EYA2: variants seen among roughly 807,000 people sequenced by gnomAD.
EYA2 encodes protein phosphatase EYA2.
Under a neutral mutation model 69.2 loss-of-function variants are expected in EYA2, and 31 were observed. The ratio of observed to expected loss-of-function variants is 0.45; its 90% confidence interval spans 0.34 to 0.60. The LOEUF is 0.60. EYA2 is among the 20% of genes least tolerant of loss of function. EYA2 has a pLI of 0.02. For missense variants in EYA2, 622 were observed against 701.2 expected (o/e 0.89, Z 1.28); for synonymous variants, 257 against 279.4 (o/e 0.92, Z 0.80).
intron 1 of EYA2, among the ~76,000 whole-genome samples, chr20:46,981,933 G>A (rs918876143): frequency 1.9e-4 from 28 of 150,386 alleles, no homozygotes; most frequent in African/African-American, 6.7e-4. Flanking sequence ...TACATGAAAT[G>A]TTTACATTTA....
At chr20:47,048,084 G>A (rs1434475344) in intron 5 of EYA2, among the ~76,000 whole-genome samples, 3 of 152,210 alleles carry the variant, frequency 2.0e-5, no homozygotes, top group African/African-American at 7.2e-5. Context: ...AGTCCCTTTT[G>A]CTGTATAAAC....
chr20:47,041,708 A>G (rs570361637), intron 5 of EYA2, among the ~76,000 whole-genome samples: 6 of 152,336 alleles, frequency 3.9e-5, no homozygotes, highest in African/African-American at 1.4e-4. Flanking sequence ...GATGCCTGCC[A>G]TGACCACGGG....
At chr20:47,068,050 A>G (rs1215062500) in intron 5 of EYA2, among the ~76,000 whole-genome samples, 2 of 152,266 alleles carry the variant, frequency 1.3e-5, no homozygotes, top group Non-Finnish European at 2.9e-5. Flanking sequence ...ATGAATGAAT[A>G]AAAGAATTAA....
At chr20:46,936,742 C>T (rs1985925441) in intron 1 of EYA2, among the ~76,000 whole-genome samples, 1 of 152,124 alleles carries the variant, frequency 6.6e-6, no homozygotes, top group African/African-American at 2.4e-5. Context: ...TCTGTTTCTC[C>T]TAGGCTGACC....
intron 9 of EYA2, among the ~76,000 whole-genome samples, chr20:47,125,039 T>C (rs919979963): frequency 2.7e-5 from 4 of 147,384 alleles, no homozygotes; most frequent in Non-Finnish European, 5.9e-5. Flanking sequence ...CTACAGTCTT[T>C]TGGTTAAGTT....
At position 47,072,219 on chromosome 20, in the gene EYA2, G is replaced by T. The variant is rs533994822; in HGVS notation, c.450G>T (p.Leu150=). The T allele has an allele frequency of 5.6e-6, 9 of 1,613,104 alleles. No homozygotes were observed. In the African/African-American group the frequency reaches 8.0e-5, roughly 14 times the overall value. Residue 150 remains leucine, a synonymous_variant, in exon 6 of 16, where the codon CTG becomes CTT. Transcript: ENST00000327619. ...TTGFYQGGNG[L]GNAAGFGSVH... is the part of the protein sequence containing the mutation. Reference sequence around the variant, plus strand: ...GGTTCTATCAAGGAGGAAATGGACTGGGCAACGCAGCCGGTTTCGGGAGTG... The same window carrying T: ...GGTTCTATCAAGGAGGAAATGGACTTGGCAACGCAGCCGGTTTCGGGAGTG...
At chr20:47,001,569 C>A in intron 3 of EYA2, 96 bp downstream of exon 3, 1 of 1,291,640 alleles carries the variant, frequency 7.7e-7, no homozygotes, top group East Asian at 2.3e-5. Context: ...GCCAGATTCC[C>A]TGGATAGGAA....
intron 10 of EYA2, among the ~76,000 whole-genome samples, chr20:47,150,157 G>A (rs909034153): frequency 1.3e-5 from 2 of 152,186 alleles, no homozygotes; most frequent in African/African-American, 4.8e-5. Context: ...GCTGAGGTTG[G>A]AGGCACCTGG....
At chr20:46,914,619 T>G (rs1410822886) in intron 1 of EYA2, among the ~76,000 whole-genome samples, 1 of 152,186 alleles carries the variant, frequency 6.6e-6, no homozygotes. Flanking sequence ...TTGTGAGAAC[T>G]AACTCACTAT....
chr20:47,155,119 G>A lies in EYA2; in HGVS notation c.978+11971G>A, dbSNP rs886849029. 2.6e-5 allele frequency among the ~76,000 whole-genome samples: 4 copies of A among 151,944 alleles called. 1 individual carries two copies. Among genetic ancestry groups the A allele is most frequent in the South Asian group, 4.2e-4 (2 of 4,766 alleles). On this transcript the variant is annotated intron_variant, in intron 10 of 15. Transcript: ENST00000327619. ...GATCCACCCACTTCAGCCTCCCAAA[G>A]TGCTGGGATTACAGGCGTGAGCCGC...
rs1029052175 is a variant in EYA2 at position 46,900,307 on chromosome 20, G to A, written c.-11+5320G>A. ...GTATATGGCAACTTACTTTTGTCTC[G>A]CGTCAGCTAAATCTGTCAGTTCCCC... On this transcript the variant is annotated intron_variant, in intron 1 of 15. Coordinates refer to ENST00000327619, the MANE Select transcript of EYA2 (RefSeq NM_005244.5). Among the ~76,000 whole-genome samples the A allele has an allele frequency of 5.3e-5, 8 of 152,250 alleles. No homozygotes were observed. In the East Asian group the frequency reaches 5.8e-4, roughly 11 times the overall value.
intron 1 of EYA2, among the ~76,000 whole-genome samples, chr20:46,905,978 G>C (rs775256712): frequency 6.0e-4 from 91 of 152,236 alleles, no homozygotes; most frequent in Non-Finnish European, 9.7e-4. Flanking sequence ...AGACATTCTG[G>C]AAGAATCTGT....
intron 1 of EYA2, among the ~76,000 whole-genome samples, chr20:46,970,552 TAGAG>T (rs1980074342): frequency 6.6e-6 from 1 of 152,136 alleles, no homozygotes; most frequent in Admixed American, 6.5e-5. Context: ...ATTTCTGAGA[TAGAG>T]AGACGTTCGT....
chr20:47,011,825 ACT>A (rs1456196802), intron 4 of EYA2, among the ~76,000 whole-genome samples: 1 of 152,014 alleles, frequency 6.6e-6, no homozygotes, highest in South Asian at 2.1e-4. Context: ...GCACCTTAAG[ACT>A]CTAAATGGAG....
chr20:47,172,332 C>A (rs2034338332), intron 11 of EYA2, among the ~76,000 whole-genome samples: 1 of 151,850 alleles, frequency 6.6e-6, no homozygotes, highest in East Asian at 2.0e-4. Flanking sequence ...GTGGGCCCAG[C>A]TCCTCGGAAG....
At position 47,188,214 on chromosome 20, in the gene EYA2, A is replaced by G; in HGVS notation, c.*81A>G. 2 of 1,392,350 alleles carry G rather than the reference A, an allele frequency of 1.4e-6. No homozygotes were observed. The highest frequency in any genetic ancestry group is 2.0e-6 in the Non-Finnish European group (2 of 1,015,966). The allele number at this position is 1,392,350 out of a possible 1,614,324, so 86.2% of individuals were successfully genotyped here. ...CACCTCCCCACCGAGAACTCCAGAG[A>G]CCCAGATGTTGGACACCAGGAAGGG... On this transcript the variant is annotated 3_prime_UTR_variant, in exon 16 of 16. Transcript: ENST00000327619.
At chr20:47,149,980 G>C (rs1013954531) in intron 10 of EYA2, among the ~76,000 whole-genome samples, 5 of 152,246 alleles carry the variant, frequency 3.3e-5, no homozygotes, top group African/African-American at 7.2e-5. Context: ...TCAATGTCAG[G>C]GTGTCCTCTG....
chr20:46,947,790 T>G (rs773313827), intron 1 of EYA2, among the ~76,000 whole-genome samples: 35 of 152,022 alleles, frequency 2.3e-4, no homozygotes, highest in Non-Finnish European at 4.3e-4. Context: ...ACCCAGAAGG[T>G]GAATCTGAGA....
intron 5 of EYA2, among the ~76,000 whole-genome samples, chr20:47,029,362 G>C (rs954600924): frequency 6.6e-6 from 1 of 152,256 alleles, no homozygotes; most frequent in East Asian, 1.9e-4. Flanking sequence ...TGGCCACCCT[G>C]TAGCTCGCCA....
Sources: allele counts gnomAD v4.1 joint callset (sites outside exome capture counted in the v4.1 genomes callset), GRCh38; gene constraint gnomAD v4.1.1; transcripts MANE v1.5; gene names NCBI Gene and HGNC (gene_info 2026-07-23, HGNC 2026-07-21).